The following RNF207 variants were observed in gnomAD, a reference collection of about 807,000 sequenced individuals.
RNF207 encodes the protein OTTHUMG00000001089.
In RNF207, 72 loss-of-function variants were observed where a neutral mutation model predicts 79.0. The observed-to-expected ratio is 0.91, with a 90% CI of 0.75 to 1.11. RNF207 has a LOEUF of 1.11. Ranked by LOEUF, RNF207 falls within the 50% of genes least tolerant of loss-of-function variation. The pLI, the probability that RNF207 is intolerant of heterozygous loss-of-function variation, is 0.00. For synonymous variants in RNF207, 348 were observed against 366.2 expected (o/e 0.95, Z 0.57); for missense variants, 936 against 855.8 (o/e 1.09, Z -1.17).
chr1:6,212,205 C>T (rs768916126), intron 13 of RNF207, 26 bp from the exon 14 acceptor site: 36 of 1,598,924 alleles, frequency 2.3e-5, no homozygotes, highest in South Asian at 5.6e-5. Context: ...GGGTGACCCA[C>T]GCTCTCACAC....
At chr1:6,218,498 A>T in intron 17 of RNF207, 129 bp downstream of exon 17, 1 of 650,856 alleles carries the variant, frequency 1.5e-6, no homozygotes, top group East Asian at 2.8e-5. Flanking sequence ...CCTCTTTGTA[A>T]AACAAGGGGT....
In RNF207 at chr1:6,211,215, G is replaced by T; in HGVS notation, c.1109+97G>T. 1 of 801,374 alleles carries T rather than the reference G, an allele frequency of 1.2e-6. No homozygotes were observed. Among genetic ancestry groups the T allele is most frequent in the South Asian group, 1.7e-5 (1 of 58,970 alleles). The allele number at this position is 801,374 out of a possible 1,614,324, so 49.6% of individuals were successfully genotyped here. A position where few individuals can be genotyped will look rare whatever the true frequency, so the allele number is the denominator to read the frequency against. ...GGCCAGATCGCCAGCAAGAAGCCAGGTGCCACCATTCCTTCCTCCGTCCTT... is the reference window on the plus strand; with the variant it reads ...GGCCAGATCGCCAGCAAGAAGCCAGTTGCCACCATTCCTTCCTCCGTCCTT... On this transcript the variant is annotated intron_variant, in intron 12 of 17. Transcript: ENST00000377939. This position sits in a 1 kb window ranked among gnomAD's most constrained non-coding sequence, Gnocchi z 4.2.
rs1471592623 is a variant in RNF207 at position 6,206,706 on chromosome 1, C to T, written c.171C>T (p.Arg57=). The T allele has an allele frequency of 7.5e-6, 12 of 1,601,518 alleles. No individual in the cohort carries two copies. The highest frequency in any genetic ancestry group is 1.3e-5 in the African/African-American group (1 of 74,970). Residue 57 remains arginine, a synonymous_variant, in exon 2 of 18, where the codon CGC becomes CGT. Transcript: ENST00000377939. ...GCLRGRATDG[R]LTCPLCQHQT... is the part of the protein sequence containing the mutation. ...TGCGTGGCCGCGCGACCGACGGCCG[C>T]CTCACCTGCCCGCTGTGCCAGTAAG...
In RNF207 at chr1:6,210,904, G is replaced by C. The variant is rs201781514; in HGVS notation, c.977G>C (p.Arg326Pro). The C allele has an allele frequency of 6.2e-7, 1 of 1,606,016 alleles. No homozygotes were observed. The highest frequency in any genetic ancestry group is 8.5e-7 in the Non-Finnish European group (1 of 1,177,240). Residue 326 changes from arginine to proline, a missense_variant, in exon 11 of 18, where the codon CGG (arginine) becomes CCG (proline). By Grantham distance (103) the Arg-to-Pro change is moderately radical. Coordinates refer to ENST00000377939, the MANE Select transcript of RNF207 (RefSeq NM_207396.3). ...GAGAGGCTGCAGGGCATCGTCACGC[G>C]GCCGCACCACCTAAGGCCTATTCAG... The part of the protein sequence containing the change: ...LMERLQGIVT[R>P]PHHLRPIQSS...
At chr1:6,208,510 G>A in intron 3 of RNF207, 1 of 206,598 alleles carries the variant, frequency 4.8e-6, no homozygotes, top group Non-Finnish European at 9.7e-6. Context: ...TTAGAGACAG[G>A]GTTTCGCCAT....
In RNF207 at chr1:6,210,427, G is replaced by T. The variant is rs777610932; in HGVS notation, c.931G>T (p.Asp311Tyr). The T allele has an allele frequency of 1.7e-5, 27 of 1,613,174 alleles. No homozygotes were observed. The highest frequency in any genetic ancestry group is 1.7e-5 in the Non-Finnish European group (20 of 1,179,848). Residue 311 changes from aspartate (D) to tyrosine (Y), a missense_variant, in exon 10 of 18, where the codon GAC becomes TAC. Coordinates refer to ENST00000377939, the MANE Select transcript of RNF207 (RefSeq NM_207396.3). ...LSLANKAEFL[D>Y]LGYELMERLQ... The stretch of plus-strand genomic sequence containing the variant: ...CTTGGCCAACAAGGCTGAGTTCCTG[G>T]ACCTGGGCTATGTGAGTCTCCTCTG...
chr1:6,212,947 C>T, intron 15 of RNF207, 119 bp from the exon 16 acceptor site: 1 of 806,082 alleles, frequency 1.2e-6, no homozygotes, highest in Non-Finnish European at 2.1e-6. Flanking sequence ...GTGCCTCCCT[C>T]TTTAATTAGA....
chr1:6,216,622 G>A lies in RNF207; in HGVS notation c.1653-1667G>A, dbSNP rs571140091. 7.3e-5 allele frequency among the ~76,000 whole-genome samples: 11 copies of A among 149,900 alleles called. No individual in the cohort carries two copies. The East Asian group carries it at 1.4e-3, about 19-fold the overall frequency. ...GTCGCCCAAACTGGAGTGCAGTGGC[G>A]TGATCTCGGCTCACTGCAACCTCCG... On this transcript the variant is annotated intron_variant, in intron 16 of 17. Coordinates refer to ENST00000377939, the MANE Select transcript of RNF207 (RefSeq NM_207396.3).
rs753213460 is a variant in RNF207 at position 6,207,528 on chromosome 1, G to T, written c.324+17G>T. On this transcript the variant is annotated intron_variant, in intron 3 of 17. Transcript: ENST00000377939. This position sits in a 1 kb window ranked among gnomAD's most constrained non-coding sequence, Gnocchi z 4.5. The stretch of plus-strand genomic sequence containing the variant: ...AGCGAGCAGGCAGGGGCGGCAGGGC[G>T]GGTGGGTGAGGAGCAGAGGGTACCC... 31 of 1,587,984 alleles carry T rather than the reference G, an allele frequency of 2.0e-5. No homozygotes were observed. The highest frequency in any genetic ancestry group is 1.3e-5 in the African/African-American group (1 of 74,714).
Position 6,212,267 on chromosome 1 carries a change from G to T in RNF207, c.1333G>T (p.Val445Leu), listed in dbSNP as rs752384539. 1.5e-5 allele frequency: 24 copies of T among 1,613,710 alleles called. No individual in the cohort carries two copies. In the South Asian group the frequency reaches 2.4e-4, roughly 16 times the overall value. ...AGAGATGCAGAGCCTAAAGGACCAG[G>T]TACAGGAGCTGCACCGAGACCTCAC... is the stretch of plus-strand genomic sequence containing the variant. ...QAEMQSLKDQ[V>L]QELHRDLTKH... The change falls in exon 14 of 18, where the codon GTA becomes TTA. Residue 445 changes from valine (V) to leucine (L), a missense_variant. Transcript: ENST00000377939.
In RNF207 at chr1:6,206,533, C is replaced by A; in HGVS notation, c.1-3C>A. On this transcript the variant is annotated splice_polypyrimidine_tract_variant and splice_region_variant and intron_variant, in intron 1 of 17. Transcript: ENST00000377939. ...CAGCCGCCCGCTTGCGCTGTCGCTG[C>A]AGATGTCGGGAGCTATCTTCGGGCC... is the stretch of plus-strand genomic sequence containing the variant. The A allele has an allele frequency of 6.4e-7, 1 of 1,564,510 alleles. No individual in the cohort carries two copies. Among genetic ancestry groups the A allele is most frequent in the Non-Finnish European group, 8.6e-7 (1 of 1,163,760 alleles).
rs757062302 is a variant in RNF207, at chr1:6,210,435, C to T, written c.939C>T (p.Gly313=). 1 of 1,612,618 alleles carries T rather than the reference C, an allele frequency of 6.2e-7. No individual in the cohort carries two copies. The highest frequency in any genetic ancestry group is 8.5e-7 in the Non-Finnish European group (1 of 1,179,372). The change falls in exon 10 of 18, where the codon GGC becomes GGT. Residue 313 remains glycine (G), a synonymous_variant. Transcript: ENST00000377939. ...ACAAGGCTGAGTTCCTGGACCTGGG[C>T]TATGTGAGTCTCCTCTGCTCCTGCA... ...LANKAEFLDL[G]YELMERLQGI...
At chr1:6,212,193 T>C in intron 13 of RNF207, 38 bp from the exon 14 acceptor site, 2 of 1,591,044 alleles carry the variant, frequency 1.3e-6, no homozygotes, top group Non-Finnish European at 8.6e-7. Context: ...AAAAACAGCC[T>C]AGGGTGACCC....
Position 6,213,238 on chromosome 1 carries a change from G to C in RNF207, c.1652+55G>C, listed in dbSNP as rs1668245223. 2.5e-6 allele frequency: 3 copies of C among 1,204,240 alleles called. No homozygotes were observed. In the South Asian group the frequency reaches 3.8e-5, roughly 15 times the overall value. The allele number at this position is 1,204,240 out of a possible 1,614,324, so 74.6% of individuals were successfully genotyped here. ...CTGAGACTCTTCAGAATGTGCATGG[G>C]GGCTGGGTGCGGTGGCTCACGCCTG... is the stretch of plus-strand genomic sequence containing the variant. On this transcript the variant is annotated intron_variant, in intron 16 of 17. Transcript: ENST00000377939.
At position 6,215,690 on chromosome 1, in the gene RNF207, T is replaced by G. The variant is rs1313172348; in HGVS notation, c.1652+2507T>G. Among the ~76,000 whole-genome samples, 16 of 152,202 alleles carry G rather than the reference T, an allele frequency of 1.1e-4. No homozygotes were observed. In the East Asian group the frequency reaches 2.7e-3, roughly 26 times the overall value. On this transcript the variant is annotated intron_variant, in intron 16 of 17. Transcript: ENST00000377939. ...AGGTCTTTGTTTGTTTGAGACAGTC[T>G]CGCTCTGCCGCCCAGGCTGGAGTGC...
chr1:6,212,885 C>G, intron 15 of RNF207, 152 bp downstream of exon 15: 1 of 801,940 alleles, frequency 1.2e-6, no homozygotes, highest in African/African-American at 1.7e-5. Flanking sequence ...GCTAACTGGC[C>G]TCAAATGATG....
Position 6,212,072 on chromosome 1 carries a change from GC to G in RNF207, c.1296+21del. ...CTACCGGGTGAGGGGGCAGGGATCT[GC>G]CGGAGGGGGGAGATGTCCTAACCCA... On this transcript the variant is annotated intron_variant, in intron 13 of 17. Transcript: ENST00000377939. 1 of 1,575,400 alleles carries G rather than the reference GC, an allele frequency of 6.3e-7. No individual in the cohort carries two copies.
In RNF207 at chr1:6,211,952, A is replaced by G. The variant is rs1668184198; in HGVS notation, c.1195A>G (p.Lys399Glu). Reference sequence around the variant, plus strand: ...AAAGATGTCGGGGTCACCCGTCCAAAAGCCCACGCTGCACCGGTCCATCAG... The same window carrying G: ...AAAGATGTCGGGGTCACCCGTCCAAGAGCCCACGCTGCACCGGTCCATCAG... ...VGKMSGSPVQKPTLHRSISTK... is the reference protein window; with the variant it reads ...VGKMSGSPVQEPTLHRSISTK... Residue 399 changes from lysine to glutamate, a missense_variant, in exon 13 of 18, where the codon AAG becomes GAG. Lys to Glu is a moderately conservative substitution (Grantham distance 56). Coordinates refer to ENST00000377939, the MANE Select transcript of RNF207 (RefSeq NM_207396.3). This position sits in a 1 kb window ranked among gnomAD's most constrained non-coding sequence, Gnocchi z 4.2. 6.4e-7 allele frequency: 1 copy of G among 1,563,422 alleles called. No homozygotes were observed. The highest frequency in any genetic ancestry group is 1.9e-5 in the Admixed American group (1 of 52,464).
chr1:6,209,110 C>T lies in RNF207; in HGVS notation c.470-5C>T, dbSNP rs1331585441. On this transcript the variant is annotated splice_polypyrimidine_tract_variant and splice_region_variant and intron_variant, in intron 4 of 17. Coordinates refer to ENST00000377939, the MANE Select transcript of RNF207 (RefSeq NM_207396.3). ...AGCCCTCACCACCGCCCGCCGCCCCCGCAGCGCTGCACGCAGAGCCCTACC... is the reference window on the plus strand; with the variant it reads ...AGCCCTCACCACCGCCCGCCGCCCCTGCAGCGCTGCACGCAGAGCCCTACC... The T allele has an allele frequency of 4.5e-6, 7 of 1,551,820 alleles. No homozygotes were observed. The highest frequency in any genetic ancestry group is 1.4e-5 in the African/African-American group (1 of 73,172).
Sources: allele counts gnomAD v4.1 joint callset (sites outside exome capture counted in the v4.1 genomes callset), GRCh38; gene constraint gnomAD v4.1.1; non-coding constraint Gnocchi (gnomAD v3.1); transcripts MANE v1.5; gene names NCBI Gene and HGNC (gene_info 2026-07-23, HGNC 2026-07-21).